Variants in VMP1 observed in about 807,000 individuals in gnomAD.
The protein encoded by VMP1 is ectopic P-granules autophagy protein 3 homolog.
A neutral mutation model predicts 56.0 loss-of-function variants in VMP1; 11 were observed. That is an observed-to-expected ratio of 0.20 (90% CI 0.12 to 0.32). The LOEUF (loss-of-function observed/expected upper bound fraction) is 0.32. VMP1 is among the 10% of genes least tolerant of loss of function. The pLI is 1.00. For synonymous variants in VMP1, 149 were observed against 165.0 expected, an observed-to-expected ratio of 0.90 and a Z score of 0.74; for missense variants, 296 against 490.3, an observed-to-expected ratio of 0.60 and a Z score of 3.74.
intron 6 of VMP1, among the ~76,000 whole-genome samples, chr17:59,768,772 G>T (rs973050378): frequency 1.3e-5 from 2 of 152,020 alleles, no homozygotes; most frequent in Non-Finnish European, 2.9e-5. Flanking sequence ...CATGAGGTCA[G>T]AAGTTCAAGA....
chr17:59,834,983 C>T (rs2038933174), intron 10 of VMP1, among the ~76,000 whole-genome samples: 1 of 151,396 alleles, frequency 6.6e-6, no homozygotes, highest in South Asian at 2.1e-4. Context: ...TGGTCTTGAA[C>T]TCCTGACCTC....
intron 5 of VMP1, among the ~76,000 whole-genome samples, chr17:59,759,051 A>T (rs1288013341): frequency 6.6e-6 from 1 of 152,080 alleles, no homozygotes; most frequent in Non-Finnish European, 1.5e-5. Flanking sequence ...TTGCCACTGC[A>T]CTCCAGTTTG....
intron 1 of VMP1, among the ~76,000 whole-genome samples, chr17:59,725,324 T>C (rs958056284): frequency 1.5e-4 from 23 of 152,336 alleles, no homozygotes; most frequent in African/African-American, 5.5e-4. Flanking sequence ...ACTGCAGTTT[T>C]ACAAAGTTTT....
intron 1 of VMP1, among the ~76,000 whole-genome samples, chr17:59,709,044 T>C (rs988385915): frequency 2.6e-5 from 4 of 152,214 alleles, no homozygotes; most frequent in African/African-American, 9.6e-5. Flanking sequence ...GAAGAAAATA[T>C]ACATAGAACC....
intron 9 of VMP1, among the ~76,000 whole-genome samples, chr17:59,817,470 G>T (rs1391784247): frequency 6.6e-6 from 1 of 151,194 alleles, no homozygotes; most frequent in African/African-American, 2.4e-5. Flanking sequence ...TCCTGCCTCA[G>T]CCTCCCAAGT....
At chr17:59,790,632 A>G (rs534696652) in intron 7 of VMP1, among the ~76,000 whole-genome samples, 1 of 152,238 alleles carries the variant, frequency 6.6e-6, no homozygotes, top group East Asian at 1.9e-4. Context: ...TCTACTAAAA[A>G]TACAAAAATT....
At position 59,800,118 on chromosome 17, in the gene VMP1, A is replaced by T. The variant is rs190749117; in HGVS notation, c.715-8678A>T. ...TAAAATAACTCAAAGAGCCCTGATA[A>T]TGGGTAGAAAATAGTTATTAAGGCA... is the stretch of plus-strand genomic sequence containing the variant. On this transcript the variant is annotated intron_variant, in intron 7 of 11. Coordinates refer to ENST00000262291, the MANE Select transcript of VMP1 (RefSeq NM_030938.5). Among the ~76,000 whole-genome samples the T allele has an allele frequency of 2.6e-3, 392 of 152,268 alleles. 1 individual carries two copies. Among genetic ancestry groups the T allele is most frequent in the African/African-American group, 8.4e-3 (349 of 41,564 alleles).
Position 59,838,304 on chromosome 17 carries a change from C to T in VMP1, c.984C>T (p.Pro328=), listed in dbSNP as rs778872499. Residue 328 remains proline, a synonymous_variant, in exon 11 of 12, where the codon CCC becomes CCT. Transcript: ENST00000262291. The stretch of plus-strand genomic sequence containing the variant: ...TGTACCCTGCTTCCAGTGCTGTCCC[C>T]GGCATAGGTCCATCTCTGCAGAAGC... The part of the protein sequence containing the change: ...EQMVAFIGAV[P]GIGPSLQKPF... The T allele has an allele frequency of 2.0e-5, 33 of 1,613,662 alleles. No individual in the cohort carries two copies. Among genetic ancestry groups the T allele is most frequent in the South Asian group, 7.7e-5 (7 of 91,078 alleles).
rs538457621 is a variant in VMP1 at position 59,779,752 on chromosome 17, GAT to G, written c.714+5870_714+5871del. ...TGCAGTGAGTGCCTTGTTTCTGTGT[GAT>G]ATCTCTCAAGGATCCCATCCATAGC... On this transcript the variant is annotated intron_variant, in intron 7 of 11. Coordinates refer to ENST00000262291, the MANE Select transcript of VMP1 (RefSeq NM_030938.5). Among the ~76,000 whole-genome samples, 181 of 152,242 alleles carry G rather than the reference GAT, an allele frequency of 1.2e-3. 1 individual carries two copies. Among genetic ancestry groups the G allele is most frequent in the East Asian group, 4.8e-3 (25 of 5,182 alleles).
At chr17:59,714,991 A>G (rs1367765810) in intron 1 of VMP1, among the ~76,000 whole-genome samples, 1 of 152,094 alleles carries the variant, frequency 6.6e-6, no homozygotes, top group Non-Finnish European at 1.5e-5. Flanking sequence ...CTATTTCTGT[A>G]TTCTCTATTC....
chr17:59,710,240 G>A (rs1232626887), intron 1 of VMP1, among the ~76,000 whole-genome samples: 4 of 152,102 alleles, frequency 2.6e-5, no homozygotes, highest in Non-Finnish European at 5.9e-5. Flanking sequence ...CCAATATTTA[G>A]AATTAGAAGG....
chr17:59,811,328 C>G (rs768705719), intron 8 of VMP1, among the ~76,000 whole-genome samples: 1 of 152,152 alleles, frequency 6.6e-6, no homozygotes. Flanking sequence ...ATCAACTGAA[C>G]GGGATTAAAT....
chr17:59,747,598 A>G (rs1211843086), intron 5 of VMP1, among the ~76,000 whole-genome samples: 2 of 150,712 alleles, frequency 1.3e-5, no homozygotes, highest in Non-Finnish European at 2.9e-5. Context: ...TTTAGTAGAG[A>G]TGGGGTTTCA....
intron 7 of VMP1, among the ~76,000 whole-genome samples, chr17:59,785,547 G>A (rs2036977384): frequency 6.6e-6 from 1 of 151,900 alleles, no homozygotes; most frequent in African/African-American, 2.4e-5. Flanking sequence ...AAAATTAGCT[G>A]GGCATGATGG....
intron 1 of VMP1, among the ~76,000 whole-genome samples, chr17:59,714,344 T>G (rs1432896916): frequency 6.6e-6 from 1 of 152,046 alleles, no homozygotes; most frequent in Non-Finnish European, 1.5e-5. Flanking sequence ...ATTAACCCAT[T>G]AATTTATGAA....
At chr17:59,803,700 G>A (rs1016823008) in intron 7 of VMP1, among the ~76,000 whole-genome samples, 20 of 152,212 alleles carry the variant, frequency 1.3e-4, no homozygotes, top group Admixed American at 3.9e-4. Flanking sequence ...ATGTGAGGAA[G>A]TAATCAAATT....
chr17:59,776,625 A>G (rs2036626251), intron 7 of VMP1, among the ~76,000 whole-genome samples: 1 of 152,228 alleles, frequency 6.6e-6, no homozygotes, highest in South Asian at 2.1e-4. Flanking sequence ...GGTAGAACAA[A>G]AACTCAGAAT....
chr17:59,814,535 G>A (rs1216795823), intron 9 of VMP1, among the ~76,000 whole-genome samples: 1 of 152,152 alleles, frequency 6.6e-6, no homozygotes, highest in Non-Finnish European at 1.5e-5. Flanking sequence ...TAAGGAAACT[G>A]AATTGTTTAA....
rs750619243 is a variant in VMP1 at position 59,731,524 on chromosome 17, TA to T, written c.76+5del. ...AACATCATAATGGAAATTTCACAGG[TA>T]AATTTTGATGGTTTGCAGGGAGGAG... is the stretch of plus-strand genomic sequence containing the variant. On this transcript the variant is annotated splice_donor_region_variant and intron_variant, in intron 2 of 11. Transcript: ENST00000262291. 1.3e-6 allele frequency: 2 copies of T among 1,577,626 alleles called. No individual in the cohort carries two copies. The highest frequency in any genetic ancestry group is 1.7e-6 in the Non-Finnish European group (2 of 1,166,486).
Sources: gnomAD v4.1 joint callset for allele counts (sites outside exome capture counted in the v4.1 genomes callset) on GRCh38, gnomAD v4.1.1 for gene constraint, MANE v1.5 for transcripts, NCBI Gene and HGNC (gene_info 2026-07-23, HGNC 2026-07-21) for gene names.